Variants in TMED3 observed in about 807,000 individuals in gnomAD.
TMED3 encodes transmembrane emp24 domain-containing protein 3.
Under a neutral mutation model 15.0 loss-of-function variants are expected in TMED3, and 9 were observed. The ratio of observed to expected loss-of-function variants is 0.60; its 90% CI spans 0.36 to 1.04. The LOEUF is 1.04. TMED3 is among the 50% of genes least tolerant of loss of function. TMED3 has a pLI of 0.01. For missense variants in TMED3, 267 were observed against 278.9 expected (o/e 0.96, Z 0.30); for synonymous variants, 117 against 121.4 (o/e 0.96, Z 0.24).
At chr15:79,341,046 T>C (rs2141228666) in intron 2 of TMED3, among the ~76,000 whole-genome samples, 1 of 151,802 alleles carries the variant, frequency 6.6e-6, no homozygotes, top group East Asian at 1.9e-4. Context: ...AATAGAAAAT[T>C]AGCTGGGTGT....
At chr15:79,348,263 C>T (rs1476878804) in intron 2 of TMED3, among the ~76,000 whole-genome samples, 1 of 152,134 alleles carries the variant, frequency 6.6e-6, no homozygotes, top group Non-Finnish European at 1.5e-5. Flanking sequence ...CCTGCAGCAC[C>T]CTTCAAAGGG....
chr15:79,323,509 ATGAAATATGTCTAAGG>A (rs1450053267), downstream of TMED3, among the ~76,000 whole-genome samples: 4 of 152,346 alleles, frequency 2.6e-5, no homozygotes, highest in Admixed American at 2.6e-4. Flanking sequence ...AAGGTTACTT[ATGAAATATGTCTAAGG>A]TGAAATATGT....
At chr15:79,410,100 A>G (rs1893953862) in intron 2 of TMED3, among the ~76,000 whole-genome samples, 1 of 152,182 alleles carries the variant, frequency 6.6e-6, no homozygotes, top group Admixed American at 6.5e-5. Flanking sequence ...TTCATTAAGT[A>G]AATAATTGTT....
At chr15:79,330,354 A>G (rs1567025202) in intron 2 of TMED3, among the ~76,000 whole-genome samples, 2 of 151,962 alleles carry the variant, frequency 1.3e-5, no homozygotes, top group Admixed American at 1.3e-4. Context: ...TGCAAAATCA[A>G]CATACAAAAC....
intron 2 of TMED3, among the ~76,000 whole-genome samples, chr15:79,390,196 C>T (rs1051202290): frequency 6.6e-6 from 1 of 152,094 alleles, no homozygotes; most frequent in Admixed American, 6.6e-5. Flanking sequence ...TTCAACTTTT[C>T]CCTATTCAGT....
intron 2 of TMED3, among the ~76,000 whole-genome samples, chr15:79,341,648 T>G (rs1444773015): frequency 6.6e-6 from 1 of 152,156 alleles, no homozygotes; most frequent in Non-Finnish European, 1.5e-5. Context: ...AATTCGTTTA[T>G]TCCCCTTCCC....
At chr15:79,354,840 C>T (rs759772009) in intron 2 of TMED3, among the ~76,000 whole-genome samples, 47 of 152,154 alleles carry the variant, frequency 3.1e-4, no homozygotes, top group Admixed American at 4.6e-4. Context: ...CAAGCTCTGC[C>T]CCCCCATTCC....
chr15:79,373,489 A>G (rs181405497), intron 2 of TMED3, among the ~76,000 whole-genome samples: 1 of 152,240 alleles, frequency 6.6e-6, no homozygotes, highest in South Asian at 2.1e-4. Context: ...AAATGAACAG[A>G]AGATTAAGTA....
intron 2 of TMED3, among the ~76,000 whole-genome samples, chr15:79,410,596 C>T (rs1479247267): frequency 1.3e-5 from 2 of 151,900 alleles, no homozygotes; most frequent in African/African-American, 4.8e-5. Context: ...CTATTGGGGA[C>T]CTACAAAATA....
chr15:79,375,985 G>C (rs2141247059), intron 2 of TMED3, among the ~76,000 whole-genome samples: 1 of 151,914 alleles, frequency 6.6e-6, no homozygotes, highest in Admixed American at 6.5e-5. Context: ...TTAGAGTTGG[G>C]ATTATTTAAC....
At chr15:79,368,170 C>A (rs1433190403) in intron 2 of TMED3, among the ~76,000 whole-genome samples, 2 of 152,136 alleles carry the variant, frequency 1.3e-5, no homozygotes, top group African/African-American at 4.8e-5. Flanking sequence ...TTACTATTAC[C>A]TTCTTGCTTA....
chr15:79,341,300 G>A lies in TMED3; in HGVS notation c.417+27295G>A, dbSNP rs567843138. 1.8e-3 allele frequency among the ~76,000 whole-genome samples: 278 copies of A among 151,896 alleles called. 1 individual carries two copies. The highest frequency in any genetic ancestry group is 6.4e-3 in the African/African-American group (266 of 41,448). ...GAGCAGAGGCACAGAGTTTCATGTG[G>A]TCTTGAGTACTCAGGGGAGGCAAGG... On this transcript the variant is annotated intron_variant, in intron 2 of 2. Coordinates refer to the TMED3 transcript ENST00000424155.
intron 2 of TMED3, among the ~76,000 whole-genome samples, chr15:79,319,457 C>T (rs1442744584): frequency 6.6e-6 from 1 of 152,204 alleles, no homozygotes; most frequent in African/African-American, 2.4e-5. Flanking sequence ...TCCTGTTTGT[C>T]TTCTGGAAGT....
chr15:79,311,689 G>A (rs1041902859), intron 1 of TMED3, among the ~76,000 whole-genome samples: 1 of 152,158 alleles, frequency 6.6e-6, no homozygotes, highest in East Asian at 1.9e-4. Context: ...CCCGCAGCCT[G>A]GGGAGCTGGC....
downstream of TMED3, among the ~76,000 whole-genome samples, chr15:79,325,795 A>C (rs562272438): frequency 5.3e-5 from 8 of 152,354 alleles, no homozygotes; most frequent in Non-Finnish European, 1.2e-4. Flanking sequence ...AAGAACCTGC[A>C]GTCTGATGTC....
intron 2 of TMED3, among the ~76,000 whole-genome samples, chr15:79,399,649 G>C (rs1424708104): frequency 6.6e-6 from 1 of 152,204 alleles, no homozygotes; most frequent in Non-Finnish European, 1.5e-5. Context: ...AAGCAAGGGA[G>C]AGACACAATC....
chr15:79,329,406 C>G (rs968391449), intron 2 of TMED3, among the ~76,000 whole-genome samples: 1 of 152,230 alleles, frequency 6.6e-6, no homozygotes, highest in Admixed American at 6.5e-5. Flanking sequence ...GGCAGACATC[C>G]TGGCCAGAGT....
chr15:79,362,600 C>T (rs547340319), intron 2 of TMED3, among the ~76,000 whole-genome samples: 1 of 152,172 alleles, frequency 6.6e-6, no homozygotes, highest in Admixed American at 6.5e-5. Context: ...TGTAATAATC[C>T]CCAAGTGTCA....
intron 2 of TMED3, among the ~76,000 whole-genome samples, chr15:79,334,145 G>A (rs569299721): frequency 6.6e-6 from 1 of 152,178 alleles, no homozygotes; most frequent in African/African-American, 2.4e-5. Flanking sequence ...GTCTTCCCCC[G>A]ACATCCAGTT....
Sources: gnomAD v4.1 joint callset for allele counts (sites outside exome capture counted in the v4.1 genomes callset) on GRCh38, gnomAD v4.1.1 for gene constraint, MANE v1.5 for transcripts, NCBI Gene and HGNC (gene_info 2026-07-23, HGNC 2026-07-21) for gene names.